WHAMM: variants seen among roughly 807,000 people sequenced by gnomAD.
The protein encoded by WHAMM is WASP homolog associated with actin, golgi membranes and microtubules, also known as WASP homolog-associated protein with actin, membranes and microtubules.
Under a neutral mutation model 76.5 loss-of-function variants are expected in WHAMM, and 67 were observed. The observed-to-expected ratio is 0.88, with a 90% CI of 0.72 to 1.07. The LOEUF is 1.07. WHAMM is among the 50% of genes least tolerant of loss of function. The probability of loss-of-function intolerance (pLI) is 0.00; values close to 1 mark genes in which losing one functional copy is unlikely to be tolerated. For missense variants in WHAMM, 1,021 were observed against 1,051.1 expected (o/e 0.97, Z 0.40); for synonymous variants, 419 against 422.1 (o/e 0.99, Z 0.09).
At position 82,809,707 on chromosome 15, in the gene WHAMM, G is replaced by T; in HGVS notation, c.-20G>T. On this transcript the variant is annotated 5_prime_UTR_variant, in exon 1 of 10. Transcript: ENST00000286760. ...CAGGCCCGCGCCCGCCGAGCCCTAGGGCCGCTGCTGCCGACAGCCATGGAG... is the reference window on the plus strand; with the variant it reads ...CAGGCCCGCGCCCGCCGAGCCCTAGTGCCGCTGCTGCCGACAGCCATGGAG... 1 of 1,396,170 alleles carries T rather than the reference G, an allele frequency of 7.2e-7. No homozygotes were observed. Among genetic ancestry groups the T allele is most frequent in the East Asian group, 2.8e-5 (1 of 35,142 alleles). 86.5% of individuals were successfully genotyped at this position (1,396,170 alleles called of 1,614,324 possible). A position where few individuals can be genotyped will look rare whatever the true frequency, so the allele number is the denominator to read the frequency against.
chr15:82,832,109 T>C (rs1278876716), intron 9 of WHAMM, among the ~76,000 whole-genome samples: 4 of 152,230 alleles, frequency 2.6e-5, no homozygotes, highest in African/African-American at 9.6e-5. Context: ...TAGATCGGAC[T>C]TTGGAAGTGG....
At chr15:82,810,767 A>G in intron 1 of WHAMM, 2 of 985,316 alleles carry the variant, frequency 2.0e-6, no homozygotes, top group Non-Finnish European at 2.4e-6. Context: ...GTTTAGAGGA[A>G]GAAATGGCTT....
At chr15:82,812,640 T>G (rs2050649013) in intron 1 of WHAMM, among the ~76,000 whole-genome samples, 1 of 152,230 alleles carries the variant, frequency 6.6e-6, no homozygotes, top group African/African-American at 2.4e-5. Flanking sequence ...CGCTGCATAC[T>G]TAGTGCATAG....
chr15:82,816,871 A>T (rs772606734), intron 3 of WHAMM, 29 bp downstream of exon 3: 4 of 1,538,890 alleles, frequency 2.6e-6, no homozygotes, highest in African/African-American at 1.4e-5. Context: ...CTATATGAAG[A>T]TACATGTAAT....
chr15:82,814,988 T>C (rs1404958690), intron 2 of WHAMM, among the ~76,000 whole-genome samples: 1 of 149,190 alleles, frequency 6.7e-6, no homozygotes, highest in Non-Finnish European at 1.5e-5. Context: ...GCCAGGATGG[T>C]CTTGATCTCC....
chr15:82,813,512 G>A (rs2050665748), intron 2 of WHAMM, among the ~76,000 whole-genome samples: 1 of 151,842 alleles, frequency 6.6e-6, no homozygotes, highest in Non-Finnish European at 1.5e-5. Flanking sequence ...CATTACATGT[G>A]CCTAGTTTAC....
At chr15:82,810,358 C>A in intron 1 of WHAMM, 23 bp downstream of exon 1, 1 of 1,297,892 alleles carries the variant, frequency 7.7e-7, no homozygotes, top group East Asian at 3.2e-5. Context: ...CGGTCGCCGG[C>A]GTTCGTCCGC....
At chr15:82,817,214 C>T (rs578003285) in intron 3 of WHAMM, among the ~76,000 whole-genome samples, 11 of 152,048 alleles carry the variant, frequency 7.2e-5, no homozygotes, top group African/African-American at 1.9e-4. Context: ...AGGAGTATTC[C>T]GGGCAGAAGG....
intron 8 of WHAMM, among the ~76,000 whole-genome samples, chr15:82,828,084 TCCCAGAAAAGA>T (rs2050966287): frequency 6.6e-6 from 1 of 152,156 alleles, no homozygotes; most frequent in Non-Finnish European, 1.5e-5. Flanking sequence ...ACCCACTTTA[TCCCAGAAAAGA>T]TTCTGGAATA....
Position 82,817,919 on chromosome 15 carries a change from G to A in WHAMM, c.935-1G>A. ...TATATTTTATTTTTATAATCCAACA[G>A]GAATGCAGAAAGAAATGGAACAGGA... On this transcript the variant is annotated splice_acceptor_variant, in intron 3 of 9. Transcript: ENST00000286760. LOFTEE classifies it high-confidence loss of function. 6.6e-7 allele frequency: 1 copy of A among 1,518,864 alleles called. No homozygotes were observed. The highest frequency in any genetic ancestry group is 8.8e-7 in the Non-Finnish European group (1 of 1,130,132). 94.1% of individuals were successfully genotyped at this position (1,518,864 alleles called of 1,614,324 possible).
intron 5 of WHAMM, 52 bp downstream of exon 5, chr15:82,819,540 TACAG>T (rs1191014821): frequency 2.1e-6 from 2 of 944,678 alleles, no homozygotes; most frequent in Non-Finnish European, 3.0e-6. Context: ...TTTAAGGAAA[TACAG>T]ACCATATTAT....
intron 2 of WHAMM, among the ~76,000 whole-genome samples, chr15:82,814,126 C>T (rs1242736790): frequency 1.3e-5 from 2 of 152,148 alleles, no homozygotes; most frequent in Non-Finnish European, 2.9e-5. Flanking sequence ...TTCATTGAGC[C>T]ATCAGACAAC....
Position 82,813,285 on chromosome 15 carries a change from T to A in WHAMM, c.783+9T>A, listed in dbSNP as rs1472398594. On this transcript the variant is annotated intron_variant, in intron 2 of 9. Transcript: ENST00000286760. ...GTAAGCTTGATATTTTGGTATGTTT[T>A]TTTAAAATTTTTACTTTATCAGATT... 6.6e-7 allele frequency: 1 copy of A among 1,508,016 alleles called. No individual in the cohort carries two copies. Among genetic ancestry groups the A allele is most frequent in the Non-Finnish European group, 8.9e-7 (1 of 1,129,000 alleles). 93.4% of individuals were successfully genotyped at this position (1,508,016 alleles called of 1,614,324 possible).
At chr15:82,810,357 G>C in intron 1 of WHAMM, 22 bp downstream of exon 1, 1 of 1,298,178 alleles carries the variant, frequency 7.7e-7, no homozygotes, top group Non-Finnish European at 9.7e-7. Flanking sequence ...CCGGTCGCCG[G>C]CGTTCGTCCG....
intron 2 of WHAMM, among the ~76,000 whole-genome samples, chr15:82,815,152 T>TATATATATATAC (rs2050704856): frequency 2.3e-5 from 1 of 43,200 alleles, no homozygotes; most frequent in East Asian, 7.2e-4. Context: ...TATATATATA[T>TATATATATATAC]ATAGTACAAT....
chr15:82,821,768 G>A (rs2050833096), intron 5 of WHAMM, among the ~76,000 whole-genome samples: 2 of 152,116 alleles, frequency 1.3e-5, no homozygotes, highest in African/African-American at 2.4e-5. Flanking sequence ...TTGTGATTTT[G>A]CTTAAAATTA....
chr15:82,811,584 T>C (rs2050629722), intron 1 of WHAMM, among the ~76,000 whole-genome samples: 1 of 152,174 alleles, frequency 6.6e-6, no homozygotes, highest in Non-Finnish European at 1.5e-5. Flanking sequence ...AGTTCACATA[T>C]TTATCTGGAA....
rs1158497364 is a variant in WHAMM at position 82,835,137 on chromosome 15, T to TTG, written c.*1602_*1603insGT. The TTG allele has an allele frequency of 6.6e-6, 1 of 151,576 alleles. No individual in the cohort carries two copies. The highest frequency in any genetic ancestry group is 1.5e-5 in the Non-Finnish European group (1 of 67,876). 9.4% of individuals were successfully genotyped at this position (151,576 alleles called of 1,614,324 possible). A position where few individuals can be genotyped will look rare whatever the true frequency, so the allele number is the denominator to read the frequency against. ...TCTTCCTACTTCAGTTTTTTTGTTT[T>TTG]TTTTTTTGAGACAGAGTCTTGCTCT... is the stretch of plus-strand genomic sequence containing the variant. On this transcript the variant is annotated 3_prime_UTR_variant, in exon 10 of 10. Coordinates refer to ENST00000286760, the MANE Select transcript of WHAMM (RefSeq NM_001080435.3).
At chr15:82,820,533 C>G (rs569912587) in intron 5 of WHAMM, among the ~76,000 whole-genome samples, 19 of 152,226 alleles carry the variant, frequency 1.2e-4, no homozygotes, top group African/African-American at 4.3e-4. Flanking sequence ...TTCCTCACCT[C>G]CATATTATTT....
Sources: gnomAD v4.1 joint callset for allele counts (sites outside exome capture counted in the v4.1 genomes callset) on GRCh38, gnomAD v4.1.1 for gene constraint, MANE v1.5 for transcripts, NCBI Gene and HGNC (gene_info 2026-07-23, HGNC 2026-07-21) for gene names.